Variants in EPHA5 observed in about 807,000 individuals in gnomAD.
The protein encoded by EPHA5 is EPH receptor A5, also known as ephrin type-A receptor 5.
EPHA5 carries 60 observed loss-of-function variants against 105.0 expected under a neutral mutation model. The ratio of observed to expected loss-of-function variants is 0.57; its 90% confidence interval spans 0.46 to 0.71. The LOEUF is 0.71. Ranked by LOEUF, EPHA5 falls within the 30% of genes least tolerant of loss-of-function variation. EPHA5 has a pLI of 0.00. For synonymous variants in EPHA5, 513 were observed against 449.1 expected, an observed-to-expected ratio of 1.14 and a Z score of -1.80; for missense variants, 1,218 against 1,274.7, an observed-to-expected ratio of 0.96 and a Z score of 0.68.
chr4:65,603,877 A>G (rs1370504266), intron 2 of EPHA5, among the ~76,000 whole-genome samples: 2 of 152,036 alleles, frequency 1.3e-5, no homozygotes, highest in Admixed American at 1.3e-4. Context: ...AACTACTTAC[A>G]TTTTCTTTCC....
chr4:65,350,136 C>A (rs1013581079), intron 13 of EPHA5, among the ~76,000 whole-genome samples: 2 of 152,072 alleles, frequency 1.3e-5, no homozygotes, highest in Non-Finnish European at 2.9e-5. Context: ...AGTTGTATAA[C>A]CTCAATCTTG....
intron 1 of EPHA5, among the ~76,000 whole-genome samples, chr4:65,644,203 T>C (rs1462071085): frequency 8.9e-6 from 1 of 112,080 alleles, no homozygotes; most frequent in Non-Finnish European, 2.2e-5. Flanking sequence ...TTTATGAGTA[T>C]CTACACACAC....
chr4:65,478,185 T>C, intron 5 of EPHA5, among the ~76,000 whole-genome samples: 1 of 152,126 alleles, frequency 6.6e-6, no homozygotes, highest in South Asian at 2.1e-4. Flanking sequence ...ATTGGCAAAA[T>C]GAAAAGATTT....
chr4:65,340,069 A>G (rs1362622985), intron 14 of EPHA5, among the ~76,000 whole-genome samples: 7 of 152,178 alleles, frequency 4.6e-5, no homozygotes, highest in Admixed American at 2.0e-4. Context: ...GTAATATTGT[A>G]TCGTGACATG....
chr4:65,669,441 T>C (rs1246901031), intron 1 of EPHA5, 121 bp downstream of exon 1: 4 of 1,246,996 alleles, frequency 3.2e-6, no homozygotes, highest in Non-Finnish European at 4.0e-6. Context: ...AAATACCAAT[T>C]TGAGATGAGA....
intron 2 of EPHA5, among the ~76,000 whole-genome samples, chr4:65,618,135 T>C (rs899633588): frequency 2.0e-5 from 3 of 152,128 alleles, no homozygotes; most frequent in Middle Eastern, 3.2e-3. Context: ...GGGACACAGA[T>C]TGTCTTCCAC....
intron 5 of EPHA5, among the ~76,000 whole-genome samples, chr4:65,428,587 A>G (rs1362340177): frequency 6.6e-6 from 1 of 152,068 alleles, no homozygotes; most frequent in Non-Finnish European, 1.5e-5. Context: ...TTTTACCAAA[A>G]CCTGGCCTTA....
At chr4:65,506,703 G>C (rs994279615) in intron 3 of EPHA5, among the ~76,000 whole-genome samples, 1 of 150,938 alleles carries the variant, frequency 6.6e-6, no homozygotes, top group Non-Finnish European at 1.5e-5. Flanking sequence ...TCCTTCGCCC[G>C]CTTGTTGATG....
intron 5 of EPHA5, among the ~76,000 whole-genome samples, chr4:65,442,110 T>C (rs1400280585): frequency 6.6e-6 from 1 of 152,008 alleles, no homozygotes; most frequent in African/African-American, 2.4e-5. Context: ...GGTTATGACC[T>C]GAATATTTGT....
chr4:65,456,821 C>A (rs1349535785), intron 5 of EPHA5, among the ~76,000 whole-genome samples: 1 of 151,928 alleles, frequency 6.6e-6, no homozygotes, highest in Non-Finnish European at 1.5e-5. Context: ...TGAAAATTTT[C>A]TTTCTGTTTC....
At chr4:65,328,626 A>T (rs1189941694) in intron 16 of EPHA5, among the ~76,000 whole-genome samples, 2 of 139,404 alleles carry the variant, frequency 1.4e-5, no homozygotes, top group Non-Finnish European at 3.2e-5. Flanking sequence ...TCAGAGTTTT[A>T]TCATGCAGTT....
intron 2 of EPHA5, among the ~76,000 whole-genome samples, chr4:65,603,763 G>T (rs560436345): frequency 6.6e-6 from 1 of 152,156 alleles, no homozygotes; most frequent in East Asian, 1.9e-4. Flanking sequence ...TAAAGCCTCA[G>T]TTCTTTCACT....
chr4:65,439,809 G>A (rs940049127), intron 5 of EPHA5, among the ~76,000 whole-genome samples: 5 of 151,902 alleles, frequency 3.3e-5, no homozygotes, highest in Non-Finnish European at 5.9e-5. Context: ...TGCATTTACC[G>A]AAAGGAAAGC....
At chr4:65,331,873 C>T (rs1455937884) in intron 16 of EPHA5, 100 bp downstream of exon 16, 25 of 1,467,772 alleles carry the variant, frequency 1.7e-5, no homozygotes, top group South Asian at 4.6e-5. Flanking sequence ...GCCACACATC[C>T]GCAAAGGTTA....
chr4:65,439,045 T>C (rs910568468), intron 5 of EPHA5, among the ~76,000 whole-genome samples: 1 of 152,082 alleles, frequency 6.6e-6, no homozygotes, highest in African/African-American at 2.4e-5. Context: ...AACAATCCTA[T>C]GAAGTAGATA....
intron 5 of EPHA5, among the ~76,000 whole-genome samples, chr4:65,433,957 A>G (rs1358878725): frequency 6.6e-6 from 1 of 152,170 alleles, no homozygotes; most frequent in Non-Finnish European, 1.5e-5. Context: ...CGGGAGGCTG[A>G]TGCAAGAGAA....
At chr4:65,536,220 C>A (rs1036031536) in intron 3 of EPHA5, among the ~76,000 whole-genome samples, 2 of 151,882 alleles carry the variant, frequency 1.3e-5, no homozygotes. Context: ...CAGACAATTG[C>A]TCCATCCTAA....
chr4:65,499,035 A>G (rs568882611), intron 3 of EPHA5, among the ~76,000 whole-genome samples: 25 of 141,392 alleles, frequency 1.8e-4, no homozygotes, highest in Admixed American at 3.5e-4. Flanking sequence ...AGTTAACTTC[A>G]TTTCCAACAT....
intron 3 of EPHA5, 144 bp downstream of exon 3, chr4:65,601,497 A>T: frequency 1.2e-6 from 1 of 864,542 alleles, no homozygotes; most frequent in Non-Finnish European, 1.7e-6. Flanking sequence ...TAAAATTCTG[A>T]AAAGAGAAAA....
Sources: gnomAD v4.1 joint callset for allele counts (sites outside exome capture counted in the v4.1 genomes callset) on GRCh38, gnomAD v4.1.1 for gene constraint, MANE v1.5 for transcripts, NCBI Gene and HGNC (gene_info 2026-07-23, HGNC 2026-07-21) for gene names.